Variants in KRT18 observed in about 807,000 individuals in gnomAD.
KRT18 encodes the protein keratin 18.
KRT18 carries 8 observed loss-of-function variants against 39.9 expected under a neutral mutation model. That is an observed-to-expected ratio of 0.20 (90% CI 0.12 to 0.36). The LOEUF is 0.36. Among genes scored for constraint, KRT18 ranks in the 10% least tolerant of loss-of-function variants. The probability of loss-of-function intolerance (pLI) is 1.00; values close to 1 mark genes in which losing one functional copy is unlikely to be tolerated. For synonymous variants in KRT18, 194 were observed against 227.8 expected (o/e 0.85, Z 1.33); for missense variants, 396 against 565.7 (o/e 0.70, Z 3.04).
At chr12:52,951,293 G>C (rs544957168) in intron 3 of KRT18, among the ~76,000 whole-genome samples, 188 bp from the exon 4 acceptor site, 1 of 152,304 alleles carries the variant, frequency 6.6e-6, no homozygotes, top group South Asian at 2.1e-4. Flanking sequence ...GAAACCATCA[G>C]TGAGTGGGTG....
At chr12:52,949,096 T>TCGGGTCGCG (rs1209281927), upstream of KRT18, 2 of 1,325,992 alleles carry the variant, frequency 1.5e-6, no homozygotes, top group Non-Finnish European at 2.1e-6. Flanking sequence ...GCGATATAAC[T>TCGGGTCGCG]CGGGTCGCGC....
chr12:52,950,796 C>T lies in KRT18; in HGVS notation c.547C>T (p.His183Tyr). The part of the protein sequence containing the change: ...AMRQSVENDI[H>Y]GLRKVIDDTN... ...GCGCCAGTCTGTGGAGAACGACATC[C>T]ATGGGCTCCGCAAGGTCATTGATGA... Residue 183 changes from histidine to tyrosine, a missense_variant, in exon 3 of 7, where the codon CAT becomes TAT. Coordinates refer to ENST00000388835, the MANE Select transcript of KRT18 (RefSeq NM_000224.3). The T allele has an allele frequency of 6.2e-7, 1 of 1,611,106 alleles. No homozygotes were observed. Among genetic ancestry groups the T allele is most frequent in the Non-Finnish European group, 8.5e-7 (1 of 1,179,494 alleles).
chr12:52,951,917 T>A, intron 5 of KRT18, 61 bp downstream of exon 5: 1 of 1,595,504 alleles, frequency 6.3e-7, no homozygotes, highest in Non-Finnish European at 8.5e-7. Flanking sequence ...CCCAACCCTG[T>A]CTCAACCCAA....
At position 52,952,591 on chromosome 12, in the gene KRT18, T is replaced by G. The variant is rs1421529995; in HGVS notation, c.1173-131T>G. ...ATGAAGTTTGGCCTTGAGTTTCCCT[T>G]TTCTGGAGGAAGAGGCTGAGGGTGA... On this transcript the variant is annotated intron_variant, in intron 6 of 6. Coordinates refer to ENST00000388835, the MANE Select transcript of KRT18 (RefSeq NM_000224.3). The G allele has an allele frequency of 5.6e-6, 6 of 1,080,128 alleles. No individual in the cohort carries two copies. In the East Asian group the frequency reaches 1.4e-4, roughly 25 times the overall value. The allele number at this position is 1,080,128 out of a possible 1,614,324, so 66.9% of individuals were successfully genotyped here.
chr12:52,949,159 C>G lies in KRT18; in HGVS notation c.-15C>G, dbSNP rs267607653. ...GCAAAGCCTGAGTCCTGTCCTTTCT[C>G]TCTCCCCGGACAGCATGAGCTTCAC... On this transcript the variant is annotated 5_prime_UTR_variant, in exon 1 of 7. Transcript: ENST00000388835. The G allele has an allele frequency of 7.1e-6, 11 of 1,544,780 alleles. No homozygotes were observed. The highest frequency in any genetic ancestry group is 2.3e-5 in the East Asian group (1 of 44,386).
chr12:52,949,829 G>A lies in KRT18; in HGVS notation c.417+239G>A, dbSNP rs867557553. ...GGACAGGGTTGAGAGCTTTACAGAGGAAGTGGACAGCATGGAGGGAGGTAA... is the reference window on the plus strand; with the variant it reads ...GGACAGGGTTGAGAGCTTTACAGAGAAAGTGGACAGCATGGAGGGAGGTAA... On this transcript the variant is annotated intron_variant, in intron 1 of 6. Transcript: ENST00000388835. 10 of 703,982 alleles carry A rather than the reference G, an allele frequency of 1.4e-5. No individual in the cohort carries two copies. The Middle Eastern group carries it at 6.9e-4, about 49-fold the overall frequency. 43.6% of individuals were successfully genotyped at this position (703,982 alleles called of 1,614,324 possible).
chr12:52,951,570 G>A lies in KRT18; in HGVS notation c.747G>A (p.Met249Ile), dbSNP rs191325805. 5.3e-5 allele frequency: 86 copies of A among 1,614,194 alleles called. No individual in the cohort carries two copies. In the Admixed American group the frequency reaches 6.0e-4, roughly 11 times the overall value. ...APKSQDLAKI[M>I]ADIRAQYDEL... Reference sequence around the variant, plus strand: ...AATCTCAGGACCTCGCCAAGATCATGGCAGACATCCGGGCCCAATATGACG... The same window carrying A: ...AATCTCAGGACCTCGCCAAGATCATAGCAGACATCCGGGCCCAATATGACG... Residue 249 changes from methionine to isoleucine, a missense_variant, in exon 4 of 7, where the codon ATG (methionine) becomes ATA (isoleucine). By Grantham distance (10) the Met-to-Ile change is conservative. Transcript: ENST00000388835.
chr12:52,952,690 G>A (rs902040059), intron 6 of KRT18, 32 bp from the exon 7 acceptor site: 1 of 1,611,826 alleles, frequency 6.2e-7, no homozygotes, highest in Admixed American at 1.7e-5. Context: ...CCACGGGGCT[G>A]TTTATAACTT....
chr12:52,951,006 A>T (rs1208083908), intron 3 of KRT18, 100 bp downstream of exon 3: 13 of 1,158,744 alleles, frequency 1.1e-5, no homozygotes, highest in Middle Eastern at 5.7e-4. Flanking sequence ...CCTTGCTAAG[A>T]CGTTTAGAAA....
In KRT18 at chr12:52,950,743, C is replaced by T. The variant is rs1384630517; in HGVS notation, c.501-7C>T. The T allele has an allele frequency of 4.8e-5, 77 of 1,609,200 alleles. No homozygotes were observed. Among genetic ancestry groups the T allele is most frequent in the Non-Finnish European group, 6.4e-5 (75 of 1,178,708 alleles). On this transcript the variant is annotated splice_region_variant and splice_polypyrimidine_tract_variant and intron_variant, in intron 2 of 6. Transcript: ENST00000388835. ...AGGGGCCCCTCTGATCACCTCCACT[C>T]CTATAGGTATGAGACAGAGCTGGCC...
At position 52,952,317 on chromosome 12, in the gene KRT18, C is replaced by T. The variant is rs1294895972; in HGVS notation, c.1147C>T (p.Leu383=). 6.2e-7 allele frequency: 1 copy of T among 1,605,914 alleles called. No homozygotes were observed. Among genetic ancestry groups the T allele is most frequent in the Admixed American group, 1.7e-5 (1 of 58,648 alleles). Reference sequence around the variant, plus strand: ...GGCTGAGATCGCCACCTACCGCCGCCTGCTGGAAGATGGCGAGGACTTTAA... The same window carrying T: ...GGCTGAGATCGCCACCTACCGCCGCTTGCTGGAAGATGGCGAGGACTTTAA... The part of the protein sequence containing the change: ...LEAEIATYRR[L]LEDGEDFNLG... The change falls in exon 6 of 7, where the codon CTG becomes TTG. Residue 383 remains leucine (L), a synonymous_variant. Transcript: ENST00000388835.
rs755518680 is a variant in KRT18 at position 52,951,649 on chromosome 12, C to T, written c.822+4C>T. On this transcript the variant is annotated splice_donor_region_variant and intron_variant, in intron 4 of 6. Coordinates refer to ENST00000388835, the MANE Select transcript of KRT18 (RefSeq NM_000224.3). ...AGACAAGTACTGGTCTCAGCAGGTG[C>T]GTGAGGGGAGGGGATGGCTGCCAAG... The T allele has an allele frequency of 4.9e-5, 79 of 1,613,294 alleles. No individual in the cohort carries two copies. The highest frequency in any genetic ancestry group is 6.2e-5 in the Non-Finnish European group (73 of 1,179,974).
intron 2 of KRT18, 47 bp downstream of exon 2, chr12:52,950,457 A>G: frequency 7.3e-7 from 1 of 1,361,428 alleles, no homozygotes; most frequent in Non-Finnish European, 1.1e-6. Context: ...TGGAGCTAAG[A>G]AGGATCTGCT....
chr12:52,949,527 G>C lies in KRT18; in HGVS notation c.354G>C (p.Lys118Asn), dbSNP rs749637522. 3 of 1,613,744 alleles carry C rather than the reference G, an allele frequency of 1.9e-6. No individual in the cohort carries two copies. Among genetic ancestry groups the C allele is most frequent in the Non-Finnish European group, 2.5e-6 (3 of 1,180,030 alleles). The change falls in exon 1 of 7, where the codon AAG becomes AAC. Residue 118 changes from lysine to asparagine, a missense_variant. By Grantham distance (94) the Lys-to-Asn change is moderately conservative (BLOSUM62 0). Transcript: ENST00000388835. ...LESKIREHLE[K>N]KGPQVRDWSH... is the part of the protein sequence containing the mutation. ...GCAAAATCCGGGAGCACTTGGAGAA[G>C]AAGGGACCCCAGGTCAGAGACTGGA...
chr12:52,949,099 G>A, upstream of KRT18: 3 of 1,334,546 alleles, frequency 2.2e-6, no homozygotes, highest in Non-Finnish European at 3.1e-6. Flanking sequence ...ATATAACTCG[G>A]GTCGCGCGGC....
At chr12:52,949,707 G>T (rs1156706093) in intron 1 of KRT18, 117 bp downstream of exon 1, 1 of 948,948 alleles carries the variant, frequency 1.1e-6, no homozygotes, top group Admixed American at 2.0e-5. Context: ...GGAGGGGGTT[G>T]GGCATACCTG....
intron 2 of KRT18, 29 bp downstream of exon 2, chr12:52,950,439 T>C (rs747886541): frequency 1.3e-6 from 2 of 1,522,438 alleles, no homozygotes; most frequent in Admixed American, 1.7e-5. Context: ...GAGCTGGGGG[T>C]CCAGGGGTGG....
chr12:52,949,071 G>T (rs1942407354), upstream of KRT18: 15 of 1,111,214 alleles, frequency 1.3e-5, no homozygotes, highest in South Asian at 1.9e-4. Flanking sequence ...CGGGGCGGGG[G>T]CGGGGCCTCA....
chr12:52,949,742 C>T (rs887163490), intron 1 of KRT18, 152 bp downstream of exon 1: 1 of 752,554 alleles, frequency 1.3e-6, no homozygotes, highest in Non-Finnish European at 2.4e-6. Flanking sequence ...CACCTAGCCA[C>T]AGGGTCCCTA....
Sources: allele counts gnomAD v4.1 joint callset (sites outside exome capture counted in the v4.1 genomes callset), GRCh38; gene constraint gnomAD v4.1.1; transcripts MANE v1.5; gene names NCBI Gene and HGNC (gene_info 2026-07-23, HGNC 2026-07-21).